PDS5A: variants seen among roughly 807,000 people sequenced by gnomAD.
The protein encoded by PDS5A is sister chromatid cohesion protein PDS5 homolog A.
A neutral mutation model predicts 167.1 loss-of-function variants in PDS5A; 42 were observed. The observed-to-expected ratio is 0.25, with a 90% CI of 0.20 to 0.33. The LOEUF (loss-of-function observed/expected upper bound fraction) is 0.33. Ranked by LOEUF, PDS5A falls within the 10% of genes least tolerant of loss-of-function variation. PDS5A has a pLI of 1.00. For missense variants in PDS5A, 1,033 were observed against 1,605.9 expected, an observed-to-expected ratio of 0.64 and a Z score of 6.10; for synonymous variants, 553 against 554.6, an observed-to-expected ratio of 1.00 and a Z score of 0.04.
intron 32 of PDS5A, among the ~76,000 whole-genome samples, chr4:39,832,625 G>T (rs1716009888): frequency 1.3e-5 from 2 of 152,026 alleles, no homozygotes; most frequent in Non-Finnish European, 2.9e-5. Context: ...AAGATTGCTT[G>T]GGGGCAGGAA....
At chr4:39,888,761 A>G (rs1721712968) in intron 17 of PDS5A, among the ~76,000 whole-genome samples, 1 of 152,172 alleles carries the variant, frequency 6.6e-6, no homozygotes, top group Non-Finnish European at 1.5e-5. Context: ...ATGATGACAC[A>G]GTAGACTGGT....
intron 16 of PDS5A, among the ~76,000 whole-genome samples, chr4:39,891,470 G>A (rs1204077953): frequency 6.6e-6 from 1 of 151,406 alleles, no homozygotes; most frequent in Non-Finnish European, 1.5e-5. Flanking sequence ...CCAACATGGA[G>A]AAACCCCATC....
In PDS5A at chr4:39,976,598, TCA is replaced by T. The variant is rs1322918392; in HGVS notation, c.-23_-22del. 1.2e-5 allele frequency: 20 copies of T among 1,603,786 alleles called. No homozygotes were observed. Among genetic ancestry groups the T allele is most frequent in the Non-Finnish European group, 1.4e-5 (17 of 1,172,544 alleles). On this transcript the variant is annotated 5_prime_UTR_variant, in exon 2 of 33. Coordinates refer to ENST00000303538, the MANE Select transcript of PDS5A (RefSeq NM_001100399.2). ...TCCATCCTGGGGGACAACTTTTGGTTCACAGTCCTCTACCGGCCTCTATCGGT... is the reference window on the plus strand; with the variant it reads ...TCCATCCTGGGGGACAACTTTTGGTTCAGTCCTCTACCGGCCTCTATCGGT...
chr4:39,891,427 T>C (rs1578680851), intron 16 of PDS5A, among the ~76,000 whole-genome samples: 1 of 150,576 alleles, frequency 6.6e-6, no homozygotes, highest in South Asian at 2.2e-4. Flanking sequence ...GGCGGGCGGA[T>C]CACCTGAGGT....
chr4:39,826,183 TG>T (rs1224532224), intron 32 of PDS5A, among the ~76,000 whole-genome samples: 3 of 119,082 alleles, frequency 2.5e-5, no homozygotes, highest in Non-Finnish European at 5.8e-5. Context: ...CAAACTGGCG[TG>T]TTTTTTTTTT....
intron 2 of PDS5A, among the ~76,000 whole-genome samples, 177 bp from the exon 3 acceptor site, chr4:39,928,341 A>G (rs959645521): frequency 8.9e-4 from 136 of 152,242 alleles, no homozygotes; most frequent in African/African-American, 2.9e-3. Flanking sequence ...ACAAGCATGA[A>G]ACGGCTAGTC....
chr4:39,856,725 A>G (rs1718553494), intron 26 of PDS5A, among the ~76,000 whole-genome samples: 2 of 152,128 alleles, frequency 1.3e-5, no homozygotes, highest in African/African-American at 4.8e-5. Flanking sequence ...CTGAGGCAGG[A>G]GAATTGCTTG....
chr4:39,976,467 G>T lies in PDS5A; in HGVS notation c.111C>A (p.Thr37=), dbSNP rs1578865623. 6.2e-7 allele frequency: 1 copy of T among 1,613,252 alleles called. No individual in the cohort carries two copies. Among genetic ancestry groups the T allele is most frequent in the African/African-American group, 1.3e-5 (1 of 74,870 alleles). The change falls in exon 2 of 33, where the codon ACC becomes ACA. Residue 37 remains threonine (T), a synonymous_variant. Coordinates refer to ENST00000303538, the MANE Select transcript of PDS5A (RefSeq NM_001100399.2). ...TCAGGCGTTTGATCATCTCGTCCGT[G>T]GTGATCTTGTCGGTGATCTCTTTTA... The part of the protein sequence containing the change: ...PGVKEITDKI[T]TDEMIKRLKM...
intron 2 of PDS5A, among the ~76,000 whole-genome samples, chr4:39,943,469 T>G (rs1016376131): frequency 3.7e-4 from 56 of 151,972 alleles, no homozygotes; most frequent in African/African-American, 1.3e-3. Context: ...CTTCCTGAAC[T>G]CCAAACCCAA....
chr4:39,900,981 G>A (rs924423962), intron 13 of PDS5A, among the ~76,000 whole-genome samples: 2 of 152,126 alleles, frequency 1.3e-5, no homozygotes, highest in South Asian at 2.1e-4. Context: ...GAAAAATGAA[G>A]TATCAAAAAT....
At chr4:39,910,594 A>G (rs369439084) in intron 9 of PDS5A, among the ~76,000 whole-genome samples, 9 of 152,244 alleles carry the variant, frequency 5.9e-5, no homozygotes, top group African/African-American at 1.9e-4. Flanking sequence ...AAACAAACAC[A>G]TCCTTCAACC....
rs144863433 is a variant in PDS5A at position 39,876,717 on chromosome 4, C to T, written c.2153+276G>A. On this transcript the variant is annotated intron_variant, in intron 19 of 32. Coordinates refer to ENST00000303538, the MANE Select transcript of PDS5A (RefSeq NM_001100399.2). The stretch of plus-strand genomic sequence containing the variant: ...CATTAGTCATAAATATAATAAAACA[C>T]TAAATTCTGTGATAACTTTTGATTC... Among the ~76,000 whole-genome samples, 32 of 152,224 alleles carry T rather than the reference C, an allele frequency of 2.1e-4. No individual in the cohort carries two copies. The East Asian group carries it at 6.2e-3, about 29-fold the overall frequency.
At chr4:39,869,996 C>T (rs1365162802) in intron 21 of PDS5A, among the ~76,000 whole-genome samples, 2 of 152,226 alleles carry the variant, frequency 1.3e-5, no homozygotes, top group East Asian at 3.9e-4. Flanking sequence ...GTAGTCTCAG[C>T]TACTCGGGAG....
rs780879042 is a variant in PDS5A at position 39,823,096 on chromosome 4, A to G, written c.*2389T>C. 6.5e-6 allele frequency: 1 copy of G among 152,674 alleles called. No individual in the cohort carries two copies. Among genetic ancestry groups the G allele is most frequent in the Non-Finnish European group, 1.5e-5 (1 of 68,046 alleles). The allele number at this position is 152,674 out of a possible 1,614,324, so 9.5% of individuals were successfully genotyped here. A position where few individuals can be genotyped will look rare whatever the true frequency, so the allele number is the denominator to read the frequency against. ...CTTGTTGTTTTAGACAAATACAAGA[A>G]GCTTCAAACTAGACACAAAGGGTTA... On this transcript the variant is annotated 3_prime_UTR_variant, in exon 33 of 33. Coordinates refer to ENST00000303538, the MANE Select transcript of PDS5A (RefSeq NM_001100399.2).
intron 5 of PDS5A, among the ~76,000 whole-genome samples, chr4:39,923,323 G>A (rs1312116190): frequency 9.9e-4 from 119 of 120,008 alleles, no homozygotes; most frequent in African/African-American, 3.4e-3. Context: ...GTGAGACTTT[G>A]TATCAATTAA....
At chr4:39,834,435 T>C (rs1716205528) in intron 32 of PDS5A, among the ~76,000 whole-genome samples, 1 of 152,220 alleles carries the variant, frequency 6.6e-6, no homozygotes, top group Non-Finnish European at 1.5e-5. Context: ...ACCATGACAA[T>C]GTTCTCGCTC....
intron 2 of PDS5A, among the ~76,000 whole-genome samples, chr4:39,961,836 A>G (rs1463634974): frequency 6.6e-6 from 1 of 152,246 alleles, no homozygotes; most frequent in African/African-American, 2.4e-5. Context: ...TTTCTGATAC[A>G]AGATATATAA....
At chr4:39,905,694 T>G (rs1197742133) in intron 11 of PDS5A, among the ~76,000 whole-genome samples, 1 of 151,918 alleles carries the variant, frequency 6.6e-6, no homozygotes, top group Admixed American at 6.6e-5. Flanking sequence ...GAAACAGAGA[T>G]AATACAGGCA....
chr4:39,917,370 A>C (rs1182385294), intron 7 of PDS5A, among the ~76,000 whole-genome samples, 182 bp from the exon 8 acceptor site: 1 of 152,190 alleles, frequency 6.6e-6, no homozygotes, highest in Non-Finnish European at 1.5e-5. Flanking sequence ...CAGCAGAAGA[A>C]ATAATTTCCT....
Sources: gnomAD v4.1 joint callset for allele counts (sites outside exome capture counted in the v4.1 genomes callset) on GRCh38, gnomAD v4.1.1 for gene constraint, MANE v1.5 for transcripts, NCBI Gene and HGNC (gene_info 2026-07-23, HGNC 2026-07-21) for gene names.